Variants in AGAP1 observed in about 807,000 individuals in gnomAD.
The protein encoded by AGAP1 is ArfGAP with GTPase domain, ankyrin repeat and PH domain 1.
In AGAP1, 29 loss-of-function variants were observed where a neutral mutation model predicts 105.3. That is an observed-to-expected ratio of 0.28 (90% confidence interval 0.21 to 0.38). AGAP1 has a LOEUF of 0.38. Among genes scored for constraint, AGAP1 ranks in the 10% least tolerant of loss-of-function variants. The pLI is 1.00. For missense variants in AGAP1, 998 were observed against 1,165.1 expected (o/e 0.86, Z 2.09); for synonymous variants, 509 against 485.9 (o/e 1.05, Z -0.63).
At chr2:235,910,765 A>G (rs538466972) in intron 11 of AGAP1, among the ~76,000 whole-genome samples, 1 of 152,254 alleles carries the variant, frequency 6.6e-6, no homozygotes, top group Non-Finnish European at 1.5e-5. Context: ...TAAAAATACA[A>G]AATTAGCTGG....
In AGAP1 at chr2:235,618,792, G is replaced by A. The variant is rs966842773; in HGVS notation, c.164-90387G>A. On this transcript the variant is annotated intron_variant, in intron 1 of 17. Coordinates refer to ENST00000304032, the MANE Select transcript of AGAP1 (RefSeq NM_001037131.3). ...GGGTAGATGTGGTAGACGTAATAAC[G>A]GCCCCCAAAGATGTCCCAAGTCCTA... is the stretch of plus-strand genomic sequence containing the variant. Among the ~76,000 whole-genome samples, 3 of 152,120 alleles carry A rather than the reference G, an allele frequency of 2.0e-5. 1 individual carries two copies. The highest frequency in any genetic ancestry group is 4.2e-4 in the South Asian group (2 of 4,806).
chr2:235,521,774 G>T (rs2149052038), intron 1 of AGAP1, among the ~76,000 whole-genome samples: 1 of 151,964 alleles, frequency 6.6e-6, no homozygotes. Flanking sequence ...GTGTGTGTGT[G>T]TGTGTGTTGC....
At position 236,009,670 on chromosome 2, in the gene AGAP1, AT is replaced by A. The variant is rs2056443118; in HGVS notation, c.1646-26890del. On this transcript the variant is annotated intron_variant, in intron 13 of 17. Transcript: ENST00000304032. The surrounding 1 kb of genome is among the most constrained non-coding windows in gnomAD (Gnocchi z 4.2). ...AATGAGTGGCACACCTCTTCAACCC[AT>A]CCCCTTCCTCCATGGAGGTAAAAAG... 1.3e-5 allele frequency among the ~76,000 whole-genome samples: 2 copies of A among 152,104 alleles called. No individual in the cohort carries two copies. Among genetic ancestry groups the A allele is most frequent in the Non-Finnish European group, 2.9e-5 (2 of 68,022 alleles).
chr2:235,890,223 C>T (rs1013002706), intron 10 of AGAP1, among the ~76,000 whole-genome samples: 6 of 148,272 alleles, frequency 4.0e-5, no homozygotes, highest in Admixed American at 1.4e-4. Context: ...TGCAGTGGCA[C>T]GATCTCAGCT....
rs74385045 is a variant in AGAP1 at position 236,082,487 on chromosome 2, G to T, written c.2114+33206G>T. 6.6e-6 allele frequency among the ~76,000 whole-genome samples: 1 copy of T among 152,152 alleles called. No homozygotes were observed. Among genetic ancestry groups the T allele is most frequent in the East Asian group, 1.9e-4 (1 of 5,176 alleles). ...GGAGGGAGAGCTTTTCCTAAGCATCGATCCCCTCCAGAAAGGAAGATGGTT... is the reference window on the plus strand; with the variant it reads ...GGAGGGAGAGCTTTTCCTAAGCATCTATCCCCTCCAGAAAGGAAGATGGTT... On this transcript the variant is annotated intron_variant, in intron 16 of 17. Coordinates refer to ENST00000304032, the MANE Select transcript of AGAP1 (RefSeq NM_001037131.3). This position sits in a 1 kb window ranked among gnomAD's most constrained non-coding sequence, Gnocchi z 4.2.
intron 13 of AGAP1, among the ~76,000 whole-genome samples, chr2:236,033,856 A>C (rs970161006): frequency 6.6e-6 from 1 of 152,284 alleles, no homozygotes; most frequent in Admixed American, 6.5e-5. Flanking sequence ...CCAGTTGTGC[A>C]GAAATTTAAC....
Position 235,900,262 on chromosome 2 carries a change from C to T in AGAP1, c.1156-8476C>T, listed in dbSNP as rs1333004805. Reference sequence around the variant, plus strand: ...CCATGATGGAGTAGTAGACTGATTTCATCTTGATAGTCTGGGTCAGTCACT... The same window carrying T: ...CCATGATGGAGTAGTAGACTGATTTTATCTTGATAGTCTGGGTCAGTCACT... On this transcript the variant is annotated intron_variant, in intron 10 of 17. Coordinates refer to ENST00000304032, the MANE Select transcript of AGAP1 (RefSeq NM_001037131.3). The surrounding 1 kb of genome is among the most constrained non-coding windows in gnomAD (Gnocchi z 5.5). Among the ~76,000 whole-genome samples the T allele has an allele frequency of 6.6e-6, 1 of 152,216 alleles. No individual in the cohort carries two copies. The highest frequency in any genetic ancestry group is 6.5e-5 in the Admixed American group (1 of 15,286).
At position 235,719,248 on chromosome 2, in the gene AGAP1, A is replaced by G. The variant is rs3768968; in HGVS notation, c.310+1604A>G. 0.21 allele frequency among the ~76,000 whole-genome samples: 31,963 copies of G among 152,076 alleles called. 3,915 individuals carry two copies. The highest frequency in any genetic ancestry group is 0.47 in the East Asian group (2,411 of 5,156). On this transcript the variant is annotated intron_variant, in intron 3 of 17. Coordinates refer to ENST00000304032, the MANE Select transcript of AGAP1 (RefSeq NM_001037131.3). This position sits in a 1 kb window ranked among gnomAD's most constrained non-coding sequence, Gnocchi z 4.9. Reference sequence around the variant, plus strand: ...CAGGTGTCTGGTGGGGCAGCGCTGGAGGCCCTGGGTTTCTGGAGTAAGAAC... The same window carrying G: ...CAGGTGTCTGGTGGGGCAGCGCTGGGGGCCCTGGGTTTCTGGAGTAAGAAC...
chr2:235,933,346 G>A (rs1290195598), intron 12 of AGAP1, among the ~76,000 whole-genome samples: 2 of 152,214 alleles, frequency 1.3e-5, no homozygotes, highest in Middle Eastern at 3.4e-3. Flanking sequence ...TAGTTGGGGT[G>A]CAGAAAAATG....
intron 11 of AGAP1, among the ~76,000 whole-genome samples, chr2:235,924,214 C>G (rs760102784): frequency 2.6e-5 from 4 of 152,152 alleles, no homozygotes; most frequent in Non-Finnish European, 5.9e-5. Flanking sequence ...AGTATCTCCC[C>G]TTTCCATCTA....
Position 236,040,858 on chromosome 2 carries a change from G to A in AGAP1, c.1891+17G>A, listed in dbSNP as rs372244961. ...AGACCCAGAGTAAGTGTGTGCGGTGGTAGCAGGGGCTGGCGCTGTGTAGCT... is the reference window on the plus strand; with the variant it reads ...AGACCCAGAGTAAGTGTGTGCGGTGATAGCAGGGGCTGGCGCTGTGTAGCT... On this transcript the variant is annotated intron_variant, in intron 15 of 17. Coordinates refer to ENST00000304032, the MANE Select transcript of AGAP1 (RefSeq NM_001037131.3). The surrounding 1 kb of genome is among the most constrained non-coding windows in gnomAD (Gnocchi z 5.6). The A allele has an allele frequency of 6.2e-7, 1 of 1,614,008 alleles. No individual in the cohort carries two copies. The highest frequency in any genetic ancestry group is 8.5e-7 in the Non-Finnish European group (1 of 1,179,878).
rs1943889750 is a variant in AGAP1 at position 235,553,850 on chromosome 2, G to A, written c.163+59001G>A. 6.6e-6 allele frequency among the ~76,000 whole-genome samples: 1 copy of A among 152,184 alleles called. No individual in the cohort carries two copies. The highest frequency in any genetic ancestry group is 6.5e-5 in the Admixed American group (1 of 15,278). On this transcript the variant is annotated intron_variant, in intron 1 of 17. Transcript: ENST00000304032. This position sits in a 1 kb window ranked among gnomAD's most constrained non-coding sequence, Gnocchi z 4.5. ...CACCCGACAATGGCTTGATTCACTT[G>A]ATAAGTGAAAGGAACTTCCACGTAA...
rs144592503 is a variant in AGAP1 at position 235,994,779 on chromosome 2, A to G, written c.1645+26156A>G. 0.017 allele frequency among the ~76,000 whole-genome samples: 2,554 copies of G among 151,474 alleles called. 23 individuals are homozygous for G. The highest frequency in any genetic ancestry group is 0.028 in the Non-Finnish European group (1,917 of 67,772). On this transcript the variant is annotated intron_variant, in intron 13 of 17. Coordinates refer to ENST00000304032, the MANE Select transcript of AGAP1 (RefSeq NM_001037131.3). The surrounding 1 kb of genome is among the most constrained non-coding windows in gnomAD (Gnocchi z 4.4). Reference sequence around the variant, plus strand: ...CTTTTTTTTTTTTTAAACTAAAATTAGAATAGGCCGGGCCCAATGGCTCAC... The same window carrying G: ...CTTTTTTTTTTTTTAAACTAAAATTGGAATAGGCCGGGCCCAATGGCTCAC...
intron 10 of AGAP1, among the ~76,000 whole-genome samples, chr2:235,890,215 C>T (rs2124900967): frequency 6.8e-6 from 1 of 146,708 alleles, no homozygotes; most frequent in Non-Finnish European, 1.5e-5. Flanking sequence ...GGCTAGAGTG[C>T]AGTGGCACGA....
intron 1 of AGAP1, among the ~76,000 whole-genome samples, chr2:235,675,285 G>T (rs1164926376): frequency 3.3e-5 from 5 of 151,262 alleles, no homozygotes; most frequent in Non-Finnish European, 7.4e-5. Flanking sequence ...TGCCTCCCGG[G>T]TTCATGCCAT....
In AGAP1 at chr2:235,712,103, C is replaced by T. The variant is rs1359783015; in HGVS notation, c.222+2866C>T. Among the ~76,000 whole-genome samples, 1 of 152,150 alleles carries T rather than the reference C, an allele frequency of 6.6e-6. No homozygotes were observed. The highest frequency in any genetic ancestry group is 1.5e-5 in the Non-Finnish European group (1 of 68,032). Reference sequence around the variant, plus strand: ...GCAGTGGCGCCATCTCGGCTCACTGCAACCTGCCTCCTGGGTTCAAGTGAT... The same window carrying T: ...GCAGTGGCGCCATCTCGGCTCACTGTAACCTGCCTCCTGGGTTCAAGTGAT... On this transcript the variant is annotated intron_variant, in intron 2 of 17. Transcript: ENST00000304032. This position sits in a 1 kb window ranked among gnomAD's most constrained non-coding sequence, Gnocchi z 6.0.
At chr2:235,914,794 C>T (rs2051792060) in intron 11 of AGAP1, among the ~76,000 whole-genome samples, 2 of 152,194 alleles carry the variant, frequency 1.3e-5, no homozygotes, top group Admixed American at 6.5e-5. Flanking sequence ...CAGGAGTGGG[C>T]TGGGGCACAG....
rs142993129 is a variant in AGAP1, at chr2:235,830,158, C to T, written c.1050+22827C>T. On this transcript the variant is annotated intron_variant, in intron 9 of 17. Coordinates refer to ENST00000304032, the MANE Select transcript of AGAP1 (RefSeq NM_001037131.3). This position sits in a 1 kb window ranked among gnomAD's most constrained non-coding sequence, Gnocchi z 5.5. ...TTGCCAAGGCAAGGCCACCGTGATC[C>T]GAGACTGGGAGGCCCAGAAAAGATG... Among the ~76,000 whole-genome samples the T allele has an allele frequency of 1.2e-4, 18 of 152,292 alleles. No individual in the cohort carries two copies. Among genetic ancestry groups the T allele is most frequent in the East Asian group, 5.8e-4 (3 of 5,178 alleles).
rs546641346 is a variant in AGAP1 at position 235,710,779 on chromosome 2, C to A, written c.222+1542C>A. 1.9e-3 allele frequency among the ~76,000 whole-genome samples: 286 copies of A among 152,228 alleles called. 1 individual carries two copies. Among genetic ancestry groups the A allele is most frequent in the Admixed American group, 7.1e-3 (109 of 15,294 alleles). Reference sequence around the variant, plus strand: ...ATTCTCAGAACAATCCCGCAGTTTCCGTTACTTCCTGTTAAGACAGCCGCT... The same window carrying A: ...ATTCTCAGAACAATCCCGCAGTTTCAGTTACTTCCTGTTAAGACAGCCGCT... On this transcript the variant is annotated intron_variant, in intron 2 of 17. Coordinates refer to ENST00000304032, the MANE Select transcript of AGAP1 (RefSeq NM_001037131.3).
Sources: gnomAD v4.1 joint callset for allele counts (sites outside exome capture counted in the v4.1 genomes callset) on GRCh38, gnomAD v4.1.1 for gene constraint, Gnocchi (gnomAD v3.1) non-coding constraint, MANE v1.5 for transcripts, NCBI Gene and HGNC (gene_info 2026-07-23, HGNC 2026-07-21) for gene names.